RORA: variants seen among roughly 807,000 people sequenced by gnomAD.
The protein encoded by RORA is RAR related orphan receptor A.
A neutral mutation model predicts 69.5 loss-of-function variants in RORA; 7 were observed. The observed-to-expected ratio is 0.10, with a 90% CI of 0.06 to 0.19. RORA has a LOEUF of 0.19. Ranked by LOEUF, RORA falls within the 10% of genes least tolerant of loss-of-function variation. The pLI, the probability that RORA is intolerant of heterozygous loss-of-function variation, is 1.00. For synonymous variants in RORA, 261 were observed against 240.8 expected, an observed-to-expected ratio of 1.08 and a Z score of -0.78; for missense variants, 457 against 663.0, an observed-to-expected ratio of 0.69 and a Z score of 3.41.
intron 2 of RORA, among the ~76,000 whole-genome samples, chr15:60,644,874 G>A (rs1436668614): frequency 2.6e-5 from 4 of 152,118 alleles, no homozygotes. Context: ...CAATCACTGG[G>A]CCCGTCTTAT....
intron 1 of RORA, among the ~76,000 whole-genome samples, chr15:60,967,151 C>T (rs1047361308): frequency 6.6e-6 from 1 of 151,988 alleles, no homozygotes; most frequent in Non-Finnish European, 1.5e-5. Flanking sequence ...TAAGTCCTTG[C>T]TATTTGTGTA....
rs142718986 is a variant in RORA, at chr15:60,772,941, G to A, written c.167-94255C>T. On this transcript the variant is annotated intron_variant, in intron 1 of 10. Coordinates refer to ENST00000335670, the MANE Select transcript of RORA (RefSeq NM_134261.3). The stretch of plus-strand genomic sequence containing the variant: ...GTGCCCAGACTTTATCTTAATTGCC[G>A]ATTAAGATTAATCCCGCCAGGGAGT... Among the ~76,000 whole-genome samples, 182 of 152,344 alleles carry A rather than the reference G, an allele frequency of 1.2e-3. 2 individuals are homozygous for A. The highest frequency in any genetic ancestry group is 4.0e-3 in the African/African-American group (167 of 41,576).
intron 1 of RORA, among the ~76,000 whole-genome samples, chr15:60,967,180 TA>T (rs1741802639): frequency 6.6e-6 from 1 of 152,244 alleles, no homozygotes; most frequent in South Asian, 2.1e-4. Context: ...GATACTTAAA[TA>T]TTTTTTGTAG....
Position 61,191,080 on chromosome 15 carries a change from A to G in RORA, c.166+37973T>C, listed in dbSNP as rs117728990. Among the ~76,000 whole-genome samples the G allele has an allele frequency of 1.4e-4, 22 of 152,302 alleles. 1 individual carries two copies. The East Asian group carries it at 4.2e-3, about 29-fold the overall frequency. ...ACATTTCCATGTGGGAAGCAGCATT[A>G]TATAGTGGAAACAACATAGTCTTTA... is the stretch of plus-strand genomic sequence containing the variant. On this transcript the variant is annotated intron_variant, in intron 1 of 10. Transcript: ENST00000335670.
chr15:61,172,323 C>T (rs912698746), intron 1 of RORA, among the ~76,000 whole-genome samples: 4 of 152,154 alleles, frequency 2.6e-5, no homozygotes, highest in African/African-American at 9.7e-5. Context: ...TCCTTTCTTA[C>T]GGTGGCACAA....
At chr15:60,965,170 G>T (rs1044252120) in intron 1 of RORA, among the ~76,000 whole-genome samples, 21 of 152,226 alleles carry the variant, frequency 1.4e-4, no homozygotes, top group African/African-American at 4.8e-4. Flanking sequence ...TGGGCCTTGG[G>T]TACTGCAGTG....
At chr15:61,088,482 C>T (rs1034244276) in intron 1 of RORA, among the ~76,000 whole-genome samples, 3 of 152,016 alleles carry the variant, frequency 2.0e-5, no homozygotes, top group African/African-American at 4.8e-5. Flanking sequence ...GGGGATGGGG[C>T]GACAGGAGAC....
chr15:61,182,059 C>T (rs1478155865), intron 1 of RORA, among the ~76,000 whole-genome samples: 1 of 152,130 alleles, frequency 6.6e-6, no homozygotes, highest in East Asian at 1.9e-4. Flanking sequence ...TACAGAGACT[C>T]CAAGGTCATA....
chr15:60,581,276 C>T (rs2068185670), intron 2 of RORA, among the ~76,000 whole-genome samples: 1 of 152,302 alleles, frequency 6.6e-6, no homozygotes, highest in East Asian at 1.9e-4. Context: ...ACTGCCAAAA[C>T]CCTGAGACAT....
At chr15:60,911,069 ATTTTTTTTTTTTTTT>A (rs528370848) in intron 1 of RORA, among the ~76,000 whole-genome samples, 1,512 of 89,618 alleles carry the variant, frequency 0.017, 16 homozygotes, top group South Asian at 0.046. Flanking sequence ...TGCCCAGCTA[ATTTTTTTTTTTTTTT>A]TTTTTTTTTT....
At chr15:60,966,585 A>G (rs565364056) in intron 1 of RORA, among the ~76,000 whole-genome samples, 31 of 152,230 alleles carry the variant, frequency 2.0e-4, no homozygotes, top group Admixed American at 1.2e-3. Flanking sequence ...TGAATGAATA[A>G]GTAACCAGAA....
chr15:60,996,837 G>T (rs565887734), intron 1 of RORA, among the ~76,000 whole-genome samples: 3 of 152,172 alleles, frequency 2.0e-5, no homozygotes, highest in South Asian at 4.2e-4. Flanking sequence ...GTGAACCCAG[G>T]AGGCGGAGCT....
intron 1 of RORA, among the ~76,000 whole-genome samples, chr15:60,859,651 C>CTTTTTTTTTT (rs1208480913): frequency 2.1e-5 from 2 of 96,456 alleles, no homozygotes; most frequent in African/African-American, 4.0e-5. Context: ...TTCTTTCTTT[C>CTTTTTTTTTT]TTTCTTTTTT....
At chr15:60,718,018 C>T (rs1415701851) in intron 1 of RORA, among the ~76,000 whole-genome samples, 1 of 151,964 alleles carries the variant, frequency 6.6e-6, no homozygotes, top group African/African-American at 2.4e-5. Context: ...AGGCTAGTCT[C>T]GAACTCCCGA....
intron 1 of RORA, among the ~76,000 whole-genome samples, chr15:60,944,403 A>G (rs1310139859): frequency 6.6e-6 from 1 of 152,096 alleles, no homozygotes; most frequent in Non-Finnish European, 1.5e-5. Flanking sequence ...AGGTGGTAAA[A>G]AACAGAAAAC....
Position 60,997,407 on chromosome 15 carries a change from T to C in RORA, c.166+231646A>G, listed in dbSNP as rs533373409. On this transcript the variant is annotated intron_variant, in intron 1 of 10. Transcript: ENST00000335670. Reference sequence around the variant, plus strand: ...ATGAATCTTCCGAGAGTCAAGTCTGTTCTCCTTCCAGTTTTGCATTAGTTT... The same window carrying C: ...ATGAATCTTCCGAGAGTCAAGTCTGCTCTCCTTCCAGTTTTGCATTAGTTT... Among the ~76,000 whole-genome samples, 99 of 152,316 alleles carry C rather than the reference T, an allele frequency of 6.5e-4. 3 individuals are homozygous for C. The South Asian group carries it at 0.02, about 31-fold the overall frequency.
At chr15:60,564,994 A>G (rs1357900061) in intron 2 of RORA, among the ~76,000 whole-genome samples, 1 of 152,138 alleles carries the variant, frequency 6.6e-6, no homozygotes, top group Non-Finnish European at 1.5e-5. Flanking sequence ...GAGCTCGGTA[A>G]ATGTTATCTA....
chr15:61,177,049 T>G (rs1321018068), intron 1 of RORA, among the ~76,000 whole-genome samples: 1 of 152,116 alleles, frequency 6.6e-6, no homozygotes, highest in East Asian at 1.9e-4. Context: ...ATATCGATGA[T>G]TGAAGATTTA....
chr15:60,847,719 T>C (rs2073281694), intron 1 of RORA: 1 of 152,220 alleles, frequency 6.6e-6, no homozygotes, highest in Non-Finnish European at 1.5e-5. Context: ...GTTTTCCATA[T>C]TGATACCACG....
Sources: allele counts gnomAD v4.1 joint callset (sites outside exome capture counted in the v4.1 genomes callset), GRCh38; gene constraint gnomAD v4.1.1; transcripts MANE v1.5; gene names NCBI Gene and HGNC (gene_info 2026-07-23, HGNC 2026-07-21).